CREB3L2: variants seen among roughly 807,000 people sequenced by gnomAD.
CREB3L2 encodes cAMP responsive element binding protein 3 like 2, also known as cyclic AMP-responsive element-binding protein 3-like protein 2.
CREB3L2 carries 23 observed loss-of-function variants against 57.2 expected under a neutral mutation model. That is an observed-to-expected ratio of 0.40 (90% CI 0.29 to 0.57). The LOEUF is 0.57. Among genes scored for constraint, CREB3L2 ranks in the 20% least tolerant of loss-of-function variants. The pLI is 0.42. For missense variants in CREB3L2, 628 were observed against 634.7 expected (o/e 0.99, Z 0.11); for synonymous variants, 268 against 265.1 (o/e 1.01, Z -0.11).
chr7:137,930,144 G>A (rs539124316), intron 1 of CREB3L2, among the ~76,000 whole-genome samples: 114 of 152,016 alleles, frequency 7.5e-4, no homozygotes, highest in African/African-American at 2.5e-3. Context: ...TGATCCGCCC[G>A]TCTTGGCCTC....
At chr7:137,987,935 G>C (rs1346172792) in intron 1 of CREB3L2, among the ~76,000 whole-genome samples, 1 of 152,186 alleles carries the variant, frequency 6.6e-6, no homozygotes, top group East Asian at 1.9e-4. Context: ...AAAGTCATCT[G>C]TTTCCCAGTC....
chr7:137,945,752 G>C (rs1169103246), intron 1 of CREB3L2, among the ~76,000 whole-genome samples: 2 of 152,210 alleles, frequency 1.3e-5, no homozygotes, highest in African/African-American at 4.8e-5. Flanking sequence ...CGCAGGTTTT[G>C]TATTAGAACC....
chr7:137,913,388 T>TC (rs1319615230), intron 3 of CREB3L2, among the ~76,000 whole-genome samples: 1 of 151,682 alleles, frequency 6.6e-6, no homozygotes, highest in Admixed American at 6.6e-5. Context: ...GCACCTGCAG[T>TC]CCCAGCTACT....
chr7:137,956,754 G>C (rs1037895690), intron 1 of CREB3L2: 1 of 667,890 alleles, frequency 1.5e-6, no homozygotes, highest in Non-Finnish European at 2.3e-6. Context: ...ATTTGCGATT[G>C]CTAGCATACA....
At chr7:137,917,301 C>G (rs1291680840) in intron 2 of CREB3L2, among the ~76,000 whole-genome samples, 1 of 152,090 alleles carries the variant, frequency 6.6e-6, no homozygotes, top group Non-Finnish European at 1.5e-5. Flanking sequence ...GGAGCTAGCG[C>G]TCAGCACTGC....
At chr7:137,969,447 T>C (rs1366292170) in intron 1 of CREB3L2, among the ~76,000 whole-genome samples, 1 of 148,618 alleles carries the variant, frequency 6.7e-6, no homozygotes, top group Non-Finnish European at 1.5e-5. Flanking sequence ...CCCGGGTTCA[T>C]GCCATTCTCC....
chr7:137,899,455 T>C (rs1585604378), intron 8 of CREB3L2, among the ~76,000 whole-genome samples: 1 of 152,218 alleles, frequency 6.6e-6, no homozygotes. Flanking sequence ...AGTGCCAGGA[T>C]GGGTGCCGGG....
At chr7:137,948,445 C>T (rs1801040261) in intron 1 of CREB3L2, among the ~76,000 whole-genome samples, 2 of 152,208 alleles carry the variant, frequency 1.3e-5, no homozygotes, top group Admixed American at 1.3e-4. Flanking sequence ...TCCTCCAACT[C>T]TCCAACTCTA....
intron 1 of CREB3L2, among the ~76,000 whole-genome samples, chr7:137,967,582 G>A (rs569027911): frequency 5.9e-5 from 9 of 152,094 alleles, no homozygotes; most frequent in South Asian, 2.1e-4. Context: ...TGACTCAGCC[G>A]CAAGTGCCCT....
Position 137,972,732 on chromosome 7 carries a change from TATATAGAGAGAG to T in CREB3L2, c.102+28860_102+28871del, listed in dbSNP as rs200868064. Among the ~76,000 whole-genome samples the T allele has an allele frequency of 4.1e-3, 111 of 26,802 alleles. 2 individuals are homozygous for T. The highest frequency in any genetic ancestry group is 0.022 in the Admixed American group (37 of 1,670). The allele number at this position is 26,802 out of a possible 152,430, so 17.6% of individuals were successfully genotyped here. A position where few individuals can be genotyped will look rare whatever the true frequency, so the allele number is the denominator to read the frequency against. ...AAAAAAATATATATATATATATATA[TATATAGAGAGAG>T]AGAGAGAGAGAGAGAGAGAGAGAGA... On this transcript the variant is annotated intron_variant, in intron 1 of 11. Coordinates refer to ENST00000330387, the MANE Select transcript of CREB3L2 (RefSeq NM_194071.4).
intron 4 of CREB3L2, 63 bp downstream of exon 4, chr7:137,912,928 C>T: frequency 6.2e-7 from 1 of 1,600,876 alleles, no homozygotes; most frequent in Non-Finnish European, 8.5e-7. Context: ...TCGCCATATT[C>T]CCTCTCTGTA....
chr7:137,898,912 A>C (rs1304581673), intron 8 of CREB3L2, among the ~76,000 whole-genome samples: 1 of 150,964 alleles, frequency 6.6e-6, no homozygotes, highest in African/African-American at 2.4e-5. Flanking sequence ...AACAAAAATA[A>C]AAATGTGGAA....
At chr7:137,960,805 A>ATTTTTTTTT (rs1338965683) in intron 1 of CREB3L2, among the ~76,000 whole-genome samples, 2 of 81,950 alleles carry the variant, frequency 2.4e-5, no homozygotes, top group Admixed American at 1.4e-4. Flanking sequence ...AAACTAAATT[A>ATTTTTTTTT]TTTCTTTTTT....
intron 1 of CREB3L2, among the ~76,000 whole-genome samples, chr7:137,990,043 A>G (rs907024921): frequency 1.3e-5 from 2 of 152,070 alleles, no homozygotes; most frequent in African/African-American, 4.8e-5. Flanking sequence ...TCTAAAATAC[A>G]TTTCTGCTCC....
chr7:137,957,896 T>A lies in CREB3L2; in HGVS notation c.103-29530A>T, dbSNP rs532627735. The A allele has an allele frequency of 5.0e-4, 316 of 631,724 alleles. 6 individuals are homozygous for A. Among genetic ancestry groups the A allele is most frequent in the South Asian group, 4.8e-3 (310 of 63,930 alleles). 39.1% of individuals were successfully genotyped at this position (631,724 alleles called of 1,614,324 possible). On this transcript the variant is annotated intron_variant, in intron 1 of 11. Transcript: ENST00000330387. ...TGCTGTATCACAGGGTGGAAGACTGTTTGGTCCCAAGGGAATAATGGCTAC... is the reference window on the plus strand; with the variant it reads ...TGCTGTATCACAGGGTGGAAGACTGATTGGTCCCAAGGGAATAATGGCTAC...
In CREB3L2 at chr7:137,943,155, A is replaced by C. The variant is rs576741532; in HGVS notation, c.103-14789T>G. Among the ~76,000 whole-genome samples the C allele has an allele frequency of 1.6e-4, 24 of 152,284 alleles. No individual in the cohort carries two copies. The East Asian group carries it at 4.4e-3, about 28-fold the overall frequency. ...GGTCTCTTTTGTTAGGAAATAAAAT[A>C]AGAGGTGGGACCAGGCAGTCTCCCA... On this transcript the variant is annotated intron_variant, in intron 1 of 11. Coordinates refer to ENST00000330387, the MANE Select transcript of CREB3L2 (RefSeq NM_194071.4).
chr7:137,904,522 G>C (rs1799839000), intron 6 of CREB3L2, among the ~76,000 whole-genome samples: 1 of 152,156 alleles, frequency 6.6e-6, no homozygotes, highest in South Asian at 2.1e-4. Context: ...AAATTAGCTG[G>C]GCGCGGTGGT....
At chr7:137,890,478 C>A (rs1300450886) in intron 8 of CREB3L2, among the ~76,000 whole-genome samples, 1 of 152,184 alleles carries the variant, frequency 6.6e-6, no homozygotes, top group Non-Finnish European at 1.5e-5. Context: ...GGCAAAGACA[C>A]CTGAGTTTCA....
At chr7:137,904,086 G>T (rs888194142) in intron 6 of CREB3L2, 69 bp from the exon 7 acceptor site, 3 of 1,309,428 alleles carry the variant, frequency 2.3e-6, no homozygotes, top group African/African-American at 2.9e-5. Flanking sequence ...AAGATGGGAG[G>T]TGGTTAGCGT....
Sources: allele counts gnomAD v4.1 joint callset (sites outside exome capture counted in the v4.1 genomes callset), GRCh38; gene constraint gnomAD v4.1.1; transcripts MANE v1.5; gene names NCBI Gene and HGNC (gene_info 2026-07-23, HGNC 2026-07-21).